The following PDZRN4 variants were observed in gnomAD, a reference collection of about 807,000 sequenced individuals.
The protein encoded by PDZRN4 is PDZ domain containing ring finger 4, also known as PDZ domain-containing RING finger protein 4.
PDZRN4 carries 70 observed loss-of-function variants against 99.0 expected under a neutral mutation model. That is an observed-to-expected ratio of 0.71 (90% CI 0.58 to 0.86). The LOEUF is 0.86. Ranked by LOEUF, PDZRN4 falls within the 40% of genes least tolerant of loss-of-function variation. The pLI, the probability that PDZRN4 is intolerant of heterozygous loss-of-function variation, is 0.00. For synonymous variants in PDZRN4, 551 were observed against 501.6 expected (o/e 1.10, Z -1.32); for missense variants, 1,474 against 1,331.2 (o/e 1.11, Z -1.67).
chr12:41,534,376 T>C (rs1370219524), intron 5 of PDZRN4, among the ~76,000 whole-genome samples: 1 of 152,150 alleles, frequency 6.6e-6, no homozygotes, highest in Non-Finnish European at 1.5e-5. Flanking sequence ...TTGCTGCACC[T>C]ATCAACCCAA....
chr12:41,217,792 C>G (rs143625898), intron 3 of PDZRN4, among the ~76,000 whole-genome samples: 55 of 152,160 alleles, frequency 3.6e-4, no homozygotes, highest in African/African-American at 1.3e-3. Flanking sequence ...ACAAGATAGA[C>G]AAGGCTACAT....
intron 3 of PDZRN4, among the ~76,000 whole-genome samples, chr12:41,489,096 T>C (rs1382289198): frequency 6.6e-6 from 1 of 152,208 alleles, no homozygotes; most frequent in Non-Finnish European, 1.5e-5. Context: ...TTTTGAGATT[T>C]TTTTAGCTCA....
intron 3 of PDZRN4, among the ~76,000 whole-genome samples, chr12:41,201,606 T>C (rs1436094832): frequency 1.3e-5 from 2 of 152,078 alleles, no homozygotes; most frequent in Non-Finnish European, 2.9e-5. Context: ...AATGGATGAA[T>C]CTCAAGGTCA....
At chr12:41,406,523 A>G (rs1952351387) in intron 3 of PDZRN4, among the ~76,000 whole-genome samples, 1 of 152,146 alleles carries the variant, frequency 6.6e-6, no homozygotes, top group Non-Finnish European at 1.5e-5. Context: ...CTCATTATCA[A>G]TCTGTTGAAT....
At chr12:41,505,723 T>C (rs987999260) in intron 3 of PDZRN4, among the ~76,000 whole-genome samples, 1 of 149,722 alleles carries the variant, frequency 6.7e-6, no homozygotes, top group East Asian at 2.5e-4. Context: ...TGGAGAGTCA[T>C]GAATTGGTAG....
At chr12:41,507,825 A>T (rs1938234411) in intron 4 of PDZRN4, among the ~76,000 whole-genome samples, 1 of 148,712 alleles carries the variant, frequency 6.7e-6, no homozygotes. Flanking sequence ...ATCAGACACA[A>T]ATTGGATGTG....
intron 3 of PDZRN4, among the ~76,000 whole-genome samples, chr12:41,276,111 G>C (rs1951348361): frequency 6.6e-6 from 1 of 152,152 alleles, no homozygotes; most frequent in Non-Finnish European, 1.5e-5. Context: ...AGGGATGACA[G>C]CAATCCCAAG....
intron 3 of PDZRN4, among the ~76,000 whole-genome samples, chr12:41,213,883 A>G (rs1261927156): frequency 1.3e-5 from 2 of 152,062 alleles, no homozygotes; most frequent in African/African-American, 4.8e-5. Flanking sequence ...AGTATAGAAG[A>G]GTCACTGACC....
intron 3 of PDZRN4, among the ~76,000 whole-genome samples, chr12:41,316,406 TTCTAATGAGCAGC>T (rs1951638224): frequency 6.6e-6 from 1 of 151,698 alleles, no homozygotes; most frequent in South Asian, 2.1e-4. Context: ...TAGGAAGCAT[TTCTAATGAGCAGC>T]TCTGAGATCA....
chr12:41,232,293 G>A (rs535950734), intron 3 of PDZRN4, among the ~76,000 whole-genome samples: 149 of 152,140 alleles, frequency 9.8e-4, no homozygotes, highest in African/African-American at 3.4e-3. Flanking sequence ...AGCCTCACCT[G>A]CCCTTCAGCA....
intron 3 of PDZRN4, among the ~76,000 whole-genome samples, chr12:41,475,916 G>C (rs998734975): frequency 4.6e-5 from 7 of 152,146 alleles, no homozygotes; most frequent in Admixed American, 3.9e-4. Flanking sequence ...CTTGCTACTT[G>C]GTATTTTAAG....
intron 3 of PDZRN4, among the ~76,000 whole-genome samples, chr12:41,214,252 TAAAAAAAAA>T (rs60618442): frequency 0.015 from 1,279 of 84,798 alleles, 15 homozygotes; most frequent in South Asian, 0.043. Context: ...ACCCTGTATT[TAAAAAAAAA>T]AAAAAAAAAA....
At position 41,395,652 on chromosome 12, in the gene PDZRN4, C is replaced by G. The variant is rs1485161375; in HGVS notation, c.844-110804C>G. Among the ~76,000 whole-genome samples, 3 of 152,032 alleles carry G rather than the reference C, an allele frequency of 2.0e-5. No individual in the cohort carries two copies. The East Asian group carries it at 5.8e-4, about 29-fold the overall frequency. On this transcript the variant is annotated intron_variant, in intron 3 of 9. Coordinates refer to ENST00000402685, the MANE Select transcript of PDZRN4 (RefSeq NM_001164595.2). ...TGGGTCTTTAGTGACTTATTGGTAT[C>G]CACTCCATTTTACAAAAGTCACACT...
At chr12:41,189,522 C>G (rs897769081) in intron 1 of PDZRN4, among the ~76,000 whole-genome samples, 10 of 152,274 alleles carry the variant, frequency 6.6e-5, no homozygotes, top group African/African-American at 2.4e-4. Context: ...AGCCTTTCCT[C>G]TCCCGCGGCC....
chr12:41,198,471 A>AT (rs964109586), intron 3 of PDZRN4, among the ~76,000 whole-genome samples: 7 of 151,636 alleles, frequency 4.6e-5, no homozygotes, highest in East Asian at 3.9e-4. Context: ...AAAGCAGAGG[A>AT]TTTTTTTTAG....
intron 5 of PDZRN4, among the ~76,000 whole-genome samples, chr12:41,515,789 G>T (rs556848212): frequency 5.3e-5 from 8 of 151,952 alleles, no homozygotes; most frequent in African/African-American, 1.7e-4. Flanking sequence ...CCTAGTCTTT[G>T]CAGGCTGTCC....
At chr12:41,402,191 ACACACACACTGAG>A (rs1217392937) in intron 3 of PDZRN4, among the ~76,000 whole-genome samples, 570 of 15,650 alleles carry the variant, frequency 0.036, 67 homozygotes, top group East Asian at 0.053. Flanking sequence ...ATATATATAT[ACACACACACTGAG>A]TATACATATA....
intron 3 of PDZRN4, among the ~76,000 whole-genome samples, chr12:41,210,823 G>T (rs1450572634): frequency 6.6e-6 from 1 of 151,934 alleles, no homozygotes; most frequent in African/African-American, 2.4e-5. Flanking sequence ...TAAAACCCCA[G>T]AATTGCAGAC....
chr12:41,563,027 G>C (rs1939298966), intron 7 of PDZRN4, among the ~76,000 whole-genome samples: 1 of 152,064 alleles, frequency 6.6e-6, no homozygotes. Context: ...ATGATGTTTG[G>C]GCAACTGGGT....
Sources: gnomAD v4.1 joint callset for allele counts (sites outside exome capture counted in the v4.1 genomes callset) on GRCh38, gnomAD v4.1.1 for gene constraint, MANE v1.5 for transcripts, NCBI Gene and HGNC (gene_info 2026-07-23, HGNC 2026-07-21) for gene names.